Variants in LRIF1 observed in about 807,000 individuals in gnomAD.
The protein encoded by LRIF1 is ligand-dependent nuclear receptor-interacting factor 1.
Under a neutral mutation model 52.7 loss-of-function variants are expected in LRIF1, and 32 were observed. The observed-to-expected ratio is 0.61, with a 90% CI of 0.46 to 0.82. The LOEUF (loss-of-function observed/expected upper bound fraction) is 0.82, where lower values mean the gene tolerates loss of function less well. LRIF1 is among the 40% of genes least tolerant of loss of function. The pLI is 0.00. For synonymous variants in LRIF1, 323 were observed against 317.4 expected (o/e 1.02, Z -0.19); for missense variants, 887 against 892.0 (o/e 0.99, Z 0.07).
chr1:110,885,796 G>A, the LRIF1 span, among the ~76,000 whole-genome samples: 1 of 151,362 alleles, frequency 6.6e-6, no homozygotes, highest in Non-Finnish European at 1.5e-5. Flanking sequence ...CCTGAGAGGC[G>A]GAGGTTGCAG....
chr1:110,893,277 A>G, the LRIF1 span, among the ~76,000 whole-genome samples: 1 of 152,062 alleles, frequency 6.6e-6, no homozygotes, highest in African/African-American at 2.4e-5. Context: ...TCTTTTTTCC[A>G]TTATGGTTCA....
At chr1:110,913,584 A>G in the LRIF1 span, among the ~76,000 whole-genome samples, 1 of 152,140 alleles carries the variant, frequency 6.6e-6, no homozygotes, top group African/African-American at 2.4e-5. Context: ...AATGCAAATC[A>G]AAAAAGATAC....
the LRIF1 span, chr1:110,938,900 G>A: frequency 6.6e-6 from 1 of 152,108 alleles, no homozygotes; most frequent in East Asian, 1.9e-4. Context: ...AACATCAGTA[G>A]CATTTCTATA....
the LRIF1 span, among the ~76,000 whole-genome samples, chr1:110,913,219 C>A: frequency 1.3e-5 from 2 of 152,086 alleles, no homozygotes; most frequent in African/African-American, 4.8e-5. Flanking sequence ...ATAATTAAAA[C>A]CCTAGAAGAA....
chr1:110,921,874 T>C, the LRIF1 span, among the ~76,000 whole-genome samples: 1 of 152,218 alleles, frequency 6.6e-6, no homozygotes, highest in African/African-American at 2.4e-5. Flanking sequence ...AGGTTTGGTA[T>C]ACAAACTTGT....
At chr1:110,931,799 G>A in the LRIF1 span, among the ~76,000 whole-genome samples, 1 of 152,124 alleles carries the variant, frequency 6.6e-6, no homozygotes, top group Admixed American at 6.5e-5. Flanking sequence ...AGATGTGTCT[G>A]TTCATATCCT....
chr1:110,897,764 G>T, the LRIF1 span: 1 of 1,165,470 alleles, frequency 8.6e-7, no homozygotes, highest in South Asian at 1.3e-5. Context: ...TCTTGATATG[G>T]TGGAATTATA....
the LRIF1 span, among the ~76,000 whole-genome samples, chr1:110,900,519 T>C: frequency 6.6e-6 from 1 of 152,112 alleles, no homozygotes; most frequent in East Asian, 1.9e-4. Context: ...TGTGCCACCA[T>C]GCCTGACTAA....
chr1:110,951,864 G>A lies in LRIF1; in HGVS notation c.1020C>T (p.Ile340=), dbSNP rs753167971. 25 of 1,613,426 alleles carry A rather than the reference G, an allele frequency of 1.5e-5. No individual in the cohort carries two copies. The highest frequency in any genetic ancestry group is 2.1e-5 in the Non-Finnish European group (25 of 1,179,978). ...NTINMPPLST[I]DPSGTRSKNM... is the part of the protein sequence containing the mutation. ...TTTTGGATCGCGTCCCACTAGGATC[G>A]ATGGTACTCAATGGTGGCATATTTA... Residue 340 remains isoleucine, a synonymous_variant, in exon 2 of 4, where the codon ATC becomes ATT. Coordinates refer to ENST00000369763, the MANE Select transcript of LRIF1 (RefSeq NM_018372.4).
intron 1 of LRIF1, among the ~76,000 whole-genome samples, chr1:110,955,896 A>G (rs1658677641): frequency 6.6e-6 from 1 of 152,218 alleles, no homozygotes; most frequent in African/African-American, 2.4e-5. Context: ...GGGATACACA[A>G]TGAGAAGGAG....
chr1:110,944,884 C>T (rs1040844178), downstream of LRIF1: 1 of 149,474 alleles, frequency 6.7e-6, no homozygotes, highest in Non-Finnish European at 1.5e-5. Flanking sequence ...AAAGGGAAAG[C>T]TCAAGGTTGC....
At chr1:110,950,480 T>G (rs1477818132) in intron 2 of LRIF1, among the ~76,000 whole-genome samples, 1 of 152,210 alleles carries the variant, frequency 6.6e-6, no homozygotes, top group Non-Finnish European at 1.5e-5. Flanking sequence ...TAATCGATCT[T>G]GTATTGAACA....
At chr1:110,895,691 A>G in the LRIF1 span, among the ~76,000 whole-genome samples, 1 of 152,146 alleles carries the variant, frequency 6.6e-6, no homozygotes, top group Non-Finnish European at 1.5e-5. Context: ...ACTTATTTAG[A>G]TCTCCAATTC....
the LRIF1 span, chr1:110,897,568 T>G: frequency 2.9e-6 from 1 of 339,672 alleles, no homozygotes; most frequent in Non-Finnish European, 5.4e-6. Flanking sequence ...ACTCAGCGGG[T>G]AAGGATCTAG....
chr1:110,907,923 T>G, the LRIF1 span, among the ~76,000 whole-genome samples: 1 of 152,200 alleles, frequency 6.6e-6, no homozygotes, highest in Non-Finnish European at 1.5e-5. Flanking sequence ...TGACATGTGG[T>G]TCTCTCCCCT....
the LRIF1 span, among the ~76,000 whole-genome samples, chr1:110,909,644 G>A: frequency 5.3e-3 from 762 of 144,922 alleles, 5 homozygotes; most frequent in Middle Eastern, 0.019. Flanking sequence ...GCAGTGGCGC[G>A]ATCTCGGCTT....
At chr1:110,945,086 A>G (rs1658172243), downstream of LRIF1, 1 of 152,030 alleles carries the variant, frequency 6.6e-6, no homozygotes, top group South Asian at 2.1e-4. Context: ...GATGGGGTCT[A>G]TTGCCATTGC....
At chr1:110,897,980 C>T in the LRIF1 span, 4 of 663,168 alleles carry the variant, frequency 6.0e-6, no homozygotes, top group Admixed American at 5.2e-5. Context: ...ACAGTATTTA[C>T]ACAATAAATG....
the LRIF1 span, among the ~76,000 whole-genome samples, chr1:110,892,161 C>T: frequency 2.9e-3 from 435 of 152,288 alleles, 2 homozygotes; most frequent in African/African-American, 0.01. Flanking sequence ...TAGGTCTCCA[C>T]ATGAGAAAGC....
Sources: allele counts gnomAD v4.1 joint callset (sites outside exome capture counted in the v4.1 genomes callset), GRCh38; gene constraint gnomAD v4.1.1; transcripts MANE v1.5; gene names NCBI Gene and HGNC (gene_info 2026-07-23, HGNC 2026-07-21).